The following CDK14 variants were observed in gnomAD, a reference collection of about 807,000 sequenced individuals.
CDK14 encodes the protein cyclin-dependent kinase 14.
In CDK14, 34 loss-of-function variants were observed where a neutral mutation model predicts 60.7. The ratio of observed to expected loss-of-function variants is 0.56; its 90% CI spans 0.43 to 0.75. The LOEUF is 0.75. Ranked by LOEUF, CDK14 falls within the 30% of genes least tolerant of loss-of-function variation. CDK14 has a pLI of 0.00. For synonymous variants in CDK14, 197 were observed against 203.7 expected (o/e 0.97, Z 0.28); for missense variants, 482 against 564.1 (o/e 0.85, Z 1.47).
chr7:91,135,891 C>T (rs759107949), intron 14 of CDK14, among the ~76,000 whole-genome samples: 21 of 152,128 alleles, frequency 1.4e-4, no homozygotes, highest in Non-Finnish European at 2.4e-4. Flanking sequence ...CTTTTAGAGC[C>T]GGACTCAGTG....
chr7:90,893,105 G>T (rs541857000), intron 6 of CDK14, among the ~76,000 whole-genome samples: 2 of 152,074 alleles, frequency 1.3e-5, no homozygotes, highest in South Asian at 4.2e-4. Flanking sequence ...CTCTTTCTGC[G>T]CTCACTCTGT....
At chr7:90,968,499 T>A (rs1380380150) in intron 9 of CDK14, among the ~76,000 whole-genome samples, 1 of 152,208 alleles carries the variant, frequency 6.6e-6, no homozygotes, top group Non-Finnish European at 1.5e-5. Context: ...GTTTTCTATT[T>A]CTCTGTATTT....
chr7:91,031,554 G>A (rs1796759276), intron 10 of CDK14, among the ~76,000 whole-genome samples: 2 of 152,174 alleles, frequency 1.3e-5, no homozygotes, highest in South Asian at 4.1e-4. Context: ...CATGATTCAG[G>A]ATGGAGCTTA....
At chr7:90,838,129 A>G (rs1292488582) in intron 5 of CDK14, among the ~76,000 whole-genome samples, 1 of 152,188 alleles carries the variant, frequency 6.6e-6, no homozygotes, top group African/African-American at 2.4e-5. Context: ...TAAATTGTGA[A>G]GATTTCATGA....
intron 2 of CDK14, among the ~76,000 whole-genome samples, chr7:90,635,001 G>T (rs1453021038): frequency 2.0e-5 from 3 of 152,056 alleles, no homozygotes; most frequent in African/African-American, 2.4e-5. Flanking sequence ...TCTTGTAAAT[G>T]TGTTGGAGTT....
chr7:90,713,486 T>C (rs1213876591), intron 2 of CDK14, among the ~76,000 whole-genome samples: 1 of 152,080 alleles, frequency 6.6e-6, no homozygotes, highest in African/African-American at 2.4e-5. Flanking sequence ...TGTTATGGCC[T>C]GACTTTTATT....
chr7:91,182,900 G>T (rs549488131), intron 14 of CDK14, among the ~76,000 whole-genome samples: 13 of 152,142 alleles, frequency 8.5e-5, no homozygotes, highest in African/African-American at 3.1e-4. Context: ...TATAAATGTT[G>T]AGGAATAAAT....
chr7:90,779,068 A>G lies in CDK14; in HGVS notation c.465-11505A>G, dbSNP rs554598479. The stretch of plus-strand genomic sequence containing the variant: ...GGTGTTCGAGACCAGCCTGGCCAAC[A>G]TGGTGAAACCCCGTCTCTACTACAG... On this transcript the variant is annotated intron_variant, in intron 4 of 14. Transcript: ENST00000380050. Among the ~76,000 whole-genome samples, 36 of 152,138 alleles carry G rather than the reference A, an allele frequency of 2.4e-4. 1 individual carries two copies. Among genetic ancestry groups the G allele is most frequent in the African/African-American group, 7.7e-4 (32 of 41,512 alleles).
rs148611062 is a variant in CDK14, at chr7:90,658,766, A to G, written c.123+54517A>G. Reference sequence around the variant, plus strand: ...ATAGTGCTGCTATAAACACCCATACATAGGTTTTTTTATGGAGAAATAAGG... The same window carrying G: ...ATAGTGCTGCTATAAACACCCATACGTAGGTTTTTTTATGGAGAAATAAGG... On this transcript the variant is annotated intron_variant, in intron 2 of 14. Transcript: ENST00000380050. Among the ~76,000 whole-genome samples the G allele has an allele frequency of 8.3e-4, 126 of 152,300 alleles. 1 individual carries two copies. The highest frequency in any genetic ancestry group is 2.7e-3 in the African/African-American group (114 of 41,568).
chr7:90,873,283 A>G lies in CDK14; in HGVS notation c.639+10014A>G, dbSNP rs1014529858. Among the ~76,000 whole-genome samples the G allele has an allele frequency of 2.6e-5, 4 of 152,198 alleles. No individual in the cohort carries two copies. In the East Asian group the frequency reaches 7.7e-4, roughly 29 times the overall value. Reference sequence around the variant, plus strand: ...ATGAAGATGATCAATAATTCCAGTTACCTTCACATTAAGTCTGAATAGGTC... The same window carrying G: ...ATGAAGATGATCAATAATTCCAGTTGCCTTCACATTAAGTCTGAATAGGTC... On this transcript the variant is annotated intron_variant, in intron 6 of 14. Coordinates refer to ENST00000380050, the MANE Select transcript of CDK14 (RefSeq NM_001287135.2).
At chr7:91,082,418 C>CCTG (rs758819809) in intron 12 of CDK14, among the ~76,000 whole-genome samples, 3 of 152,160 alleles carry the variant, frequency 2.0e-5, no homozygotes, top group South Asian at 2.1e-4. Context: ...TTAACCTTTT[C>CCTG]CTGCTTGTTC....
Position 91,008,138 on chromosome 7 carries a change from A to C in CDK14, c.1041+23897A>C, listed in dbSNP as rs984475583. On this transcript the variant is annotated intron_variant, in intron 10 of 14. Transcript: ENST00000380050. ...TGCCGGGAGAAGGCCAAAAAAAAAA[A>C]AAAAAAACAAACAAAAAAAAACAGT... Among the ~76,000 whole-genome samples, 47 of 145,824 alleles carry C rather than the reference A, an allele frequency of 3.2e-4. 3 individuals are homozygous for C. Among genetic ancestry groups the C allele is most frequent in the South Asian group, 6.5e-4 (3 of 4,598 alleles).
Position 90,604,712 on chromosome 7 carries a change from ATTC to A in CDK14, c.123+466_123+468del, listed in dbSNP as rs139709382. Among the ~76,000 whole-genome samples, 1,521 of 152,248 alleles carry A rather than the reference ATTC, an allele frequency of 1.0e-2. 26 individuals are homozygous for A. Among genetic ancestry groups the A allele is most frequent in the African/African-American group, 0.034 (1,396 of 41,538 alleles). On this transcript the variant is annotated intron_variant, in intron 2 of 14. Transcript: ENST00000380050. Reference sequence around the variant, plus strand: ...TGACTTTTCCTGTTCTAGTTTTCCTATTCTTTGTATATCAGATCCGTCTTGATC... The same window carrying A: ...TGACTTTTCCTGTTCTAGTTTTCCTATTTGTATATCAGATCCGTCTTGATC...
intron 2 of CDK14, among the ~76,000 whole-genome samples, chr7:90,704,736 A>G (rs1409114198): frequency 6.6e-6 from 1 of 152,194 alleles, no homozygotes; most frequent in Non-Finnish European, 1.5e-5. Flanking sequence ...CGTGCATGAC[A>G]TATGGATAGG....
At chr7:90,794,246 T>A (rs1805957250) in intron 5 of CDK14, among the ~76,000 whole-genome samples, 1 of 152,058 alleles carries the variant, frequency 6.6e-6, no homozygotes, top group Non-Finnish European at 1.5e-5. Flanking sequence ...CAGGGCGAGA[T>A]CACAGGACCG....
chr7:91,093,885 C>T (rs1798903579), intron 12 of CDK14, among the ~76,000 whole-genome samples: 1 of 152,062 alleles, frequency 6.6e-6, no homozygotes, highest in Non-Finnish European at 1.5e-5. Context: ...AACATGGATG[C>T]AGCTGGAGGC....
At chr7:90,762,846 G>T (rs1017640978) in intron 4 of CDK14, among the ~76,000 whole-genome samples, 2 of 152,176 alleles carry the variant, frequency 1.3e-5, no homozygotes, top group South Asian at 4.1e-4. Flanking sequence ...AATTAGCCAG[G>T]CATGGTGGCA....
At chr7:90,747,075 G>A (rs756810964) in intron 3 of CDK14, among the ~76,000 whole-genome samples, 10 of 152,128 alleles carry the variant, frequency 6.6e-5, no homozygotes, top group Non-Finnish European at 1.5e-4. Flanking sequence ...CAATATGCAG[G>A]TGAATGACCA....
At chr7:91,131,851 G>A (rs983134992) in intron 14 of CDK14, among the ~76,000 whole-genome samples, 2 of 152,050 alleles carry the variant, frequency 1.3e-5, no homozygotes, top group Non-Finnish European at 2.9e-5. Flanking sequence ...CTCGTTTACG[G>A]TTTTATCCTC....
Sources: gnomAD v4.1 joint callset for allele counts (sites outside exome capture counted in the v4.1 genomes callset) on GRCh38, gnomAD v4.1.1 for gene constraint, MANE v1.5 for transcripts, NCBI Gene and HGNC (gene_info 2026-07-23, HGNC 2026-07-21) for gene names.